Variants in CNTNAP1 observed in about 807,000 individuals in gnomAD.
CNTNAP1 encodes the protein contactin-associated protein 1.
Under a neutral mutation model 161.5 loss-of-function variants are expected in CNTNAP1, and 80 were observed. That is an observed-to-expected ratio of 0.50 (90% CI 0.41 to 0.60). The LOEUF (loss-of-function observed/expected upper bound fraction) is 0.60, where lower values mean the gene tolerates loss of function less well. CNTNAP1 is among the 20% of genes least tolerant of loss of function. The probability of loss-of-function intolerance (pLI) is 0.00; values close to 1 mark genes in which losing one functional copy is unlikely to be tolerated. For missense variants in CNTNAP1, 1,464 were observed against 1,854.8 expected (o/e 0.79, Z 3.87); for synonymous variants, 695 against 733.1 (o/e 0.95, Z 0.84).
Position 42,687,104 on chromosome 17 carries a change from A to G in CNTNAP1, c.1044+58A>G, listed in dbSNP as rs1597805585. Reference sequence around the variant, plus strand: ...TATCAAAGCGTCGTGGAAAGCAAAGAGGTGGAGCGGGAAGAGATATTGAAC... The same window carrying G: ...TATCAAAGCGTCGTGGAAAGCAAAGGGGTGGAGCGGGAAGAGATATTGAAC... On this transcript the variant is annotated intron_variant, in intron 7 of 23. Coordinates refer to ENST00000264638, the MANE Select transcript of CNTNAP1 (RefSeq NM_003632.3). The surrounding 1 kb of genome is among the most constrained non-coding windows in gnomAD (Gnocchi z 4.7). 1.9e-6 allele frequency: 3 copies of G among 1,580,702 alleles called. No individual in the cohort carries two copies. The highest frequency in any genetic ancestry group is 4.5e-5 in the East Asian group (2 of 44,242).
intron 17 of CNTNAP1, 122 bp downstream of exon 17, chr17:42,692,842 C>T: frequency 1.2e-6 from 1 of 808,600 alleles, no homozygotes; most frequent in Non-Finnish European, 1.9e-6. Context: ...CAGAGCAAGC[C>T]AGTGTCTCAC....
At position 42,697,735 on chromosome 17, in the gene CNTNAP1, C is replaced by T. The variant is rs141617249; in HGVS notation, c.3750C>T (p.Cys1250=). 4.7e-4 allele frequency: 756 copies of T among 1,614,140 alleles called. 1 individual carries two copies. The highest frequency in any genetic ancestry group is 5.8e-4 in the South Asian group (53 of 91,078). ...AGGGAGAACTGTCCGAATCTAATTG[C>T]GGAGCTATGCCACGTCTTGTTTCAG... The part of the protein sequence containing the change: ...RVQGELSESN[C]GAMPRLVSEV... The change falls in exon 22 of 24, where the codon TGC becomes TGT. Residue 1250 remains cysteine (C), a synonymous_variant. Transcript: ENST00000264638.
intron 16 of CNTNAP1, 141 bp downstream of exon 16, chr17:42,692,132 C>A: frequency 2.2e-6 from 2 of 912,584 alleles, no homozygotes; most frequent in Admixed American, 2.5e-5. Context: ...TATGTTCTAG[C>A]CCTCACTCGG....
In CNTNAP1 at chr17:42,689,533, CAT is replaced by C. The variant is rs1262146130; in HGVS notation, c.1642_1643del (p.Met548ValfsTer2). On this transcript the variant is annotated frameshift_variant, in exon 11 of 24. Transcript: ENST00000264638. LOFTEE classifies it high-confidence loss of function. ...CGITDRCSPN[M>X]CEHDGRCYQS... ...ACCCCTTCCCTAGGTGCAGCCCTAA[CAT>C]GTGTGAGCATGATGGACGCTGCTAC... 1.2e-6 allele frequency: 2 copies of C among 1,613,572 alleles called. No homozygotes were observed. The highest frequency in any genetic ancestry group is 1.7e-6 in the Non-Finnish European group (2 of 1,179,684).
chr17:42,689,559 A>G lies in CNTNAP1; in HGVS notation c.1667A>G (p.Tyr556Cys). 1 of 1,613,812 alleles carries G rather than the reference A, an allele frequency of 6.2e-7. No homozygotes were observed. The highest frequency in any genetic ancestry group is 1.1e-5 in the South Asian group (1 of 91,064). The change falls in exon 11 of 24, where the codon TAC becomes TGC. Residue 556 changes from tyrosine to cysteine, a missense_variant. Around this residue, in one of 3 missense-constraint regions of CNTNAP1, gnomAD observed 1,383 missense variants for 1,765.0 expected, o/e 0.78. Transcript: ENST00000264638. ...ATGTGTGAGCATGATGGACGCTGCTACCAGTCTTGGGATGACTTCATTTGC... is the reference window on the plus strand; with the variant it reads ...ATGTGTGAGCATGATGGACGCTGCTGCCAGTCTTGGGATGACTTCATTTGC... ...PNMCEHDGRCYQSWDDFICYC... is the reference protein window; with the variant it reads ...PNMCEHDGRCCQSWDDFICYC...
In CNTNAP1 at chr17:42,684,069, C is replaced by T. The variant is rs1245544734; in HGVS notation, c.203C>T (p.Pro68Leu). The T allele has an allele frequency of 1.2e-6, 2 of 1,614,164 alleles. No homozygotes were observed. The highest frequency in any genetic ancestry group is 2.2e-5 in the East Asian group (1 of 44,886). The stretch of plus-strand genomic sequence containing the variant: ...GGGTGGTCACCACGGATTGGGGATC[C>T]GAATCCCTGGCTCCAGATAGACTTA... ...ISGWSPRIGD[P>L]NPWLQIDLMK... The change falls in exon 3 of 24, where the codon CCG becomes CTG. Residue 68 changes from proline to leucine, a missense_variant. Pro to Leu is a moderately conservative substitution (Grantham distance 98, BLOSUM62 -3). This residue lies in a region of CNTNAP1 where 1,383 missense variants were observed against 1,765.0 expected (regional missense o/e 0.78). Transcript: ENST00000264638.
Position 42,686,898 on chromosome 17 carries a change from C to T in CNTNAP1, c.901-5C>T. On this transcript the variant is annotated splice_region_variant and splice_polypyrimidine_tract_variant and intron_variant, in intron 6 of 23. Coordinates refer to ENST00000264638, the MANE Select transcript of CNTNAP1 (RefSeq NM_003632.3). Reference sequence around the variant, plus strand: ...AAGAGGCCTCATTCCCCACGCCTCCCGCAGATGTTCATCGGAGGTCTGGTG... The same window carrying T: ...AAGAGGCCTCATTCCCCACGCCTCCTGCAGATGTTCATCGGAGGTCTGGTG... 4 of 1,596,872 alleles carry T rather than the reference C, an allele frequency of 2.5e-6. No homozygotes were observed. Among genetic ancestry groups the T allele is most frequent in the Non-Finnish European group, 2.6e-6 (3 of 1,166,692 alleles).
Position 42,688,989 on chromosome 17 carries a change from G to A in CNTNAP1, c.1570G>A (p.Gly524Ser). ...GQLVNLTLVE[G>S]RRLGFYAEVL... is the part of the protein sequence containing the mutation. ...ACTGGTCAACCTGACTCTGGTGGAG[G>A]GCCGGCGGCTTGGATTCTATGCTGA... Residue 524 changes from glycine to serine, a missense_variant, in exon 10 of 24, where the codon GGC becomes AGC. Transcript: ENST00000264638. 2 of 1,612,516 alleles carry A rather than the reference G, an allele frequency of 1.2e-6. No homozygotes were observed. Among genetic ancestry groups the A allele is most frequent in the Non-Finnish European group, 1.7e-6 (2 of 1,179,182 alleles).
intron 18 of CNTNAP1, among the ~76,000 whole-genome samples, chr17:42,693,748 CA>C (rs1296732507): frequency 1.3e-5 from 2 of 152,038 alleles, no homozygotes; most frequent in Non-Finnish European, 2.9e-5. Flanking sequence ...ATAGCTGGTG[CA>C]AAAATATCTC....
In CNTNAP1 at chr17:42,691,700, C is replaced by G; in HGVS notation, c.2345-106C>G. 1 of 1,377,104 alleles carries G rather than the reference C, an allele frequency of 7.3e-7. No individual in the cohort carries two copies. The highest frequency in any genetic ancestry group is 1.3e-5 in the South Asian group (1 of 78,644). The allele number at this position is 1,377,104 out of a possible 1,614,324, so 85.3% of individuals were successfully genotyped here. Reference sequence around the variant, plus strand: ...CTCCTTAGTCTCCCCTCCGTCACCTCAAACCCTCCCCCTTTGCCCAACCTT... The same window carrying G: ...CTCCTTAGTCTCCCCTCCGTCACCTGAAACCCTCCCCCTTTGCCCAACCTT... On this transcript the variant is annotated intron_variant, in intron 15 of 23. Transcript: ENST00000264638. This position sits in a 1 kb window ranked among gnomAD's most constrained non-coding sequence, Gnocchi z 4.3.
Position 42,693,249 on chromosome 17 carries a change from G to T in CNTNAP1, c.2753-48G>T, listed in dbSNP as rs190642465. The T allele has an allele frequency of 6.0e-4, 965 of 1,606,464 alleles. 6 individuals are homozygous for T. In the Middle Eastern group the frequency reaches 0.015, roughly 25 times the overall value. ...GCTGGGATTACAGGCGTGAGCCACC[G>T]CGCCTGGCCCTGCCTCCATTTCTTG... On this transcript the variant is annotated intron_variant, in intron 17 of 23. Coordinates refer to ENST00000264638, the MANE Select transcript of CNTNAP1 (RefSeq NM_003632.3).
rs779112242 is a variant in CNTNAP1 at position 42,690,900 on chromosome 17, A to C, written c.2017A>C (p.Ile673Leu). 2 of 1,614,178 alleles carry C rather than the reference A, an allele frequency of 1.2e-6. No homozygotes were observed. Among genetic ancestry groups the C allele is most frequent in the East Asian group, 2.2e-5 (1 of 44,890 alleles). ...TGCTTCCCAGCATTGTGAACAGTGG[A>C]TCGAGTTCTCCTGCTACAATTCCCG... ...ANASQHCEQW[I>L]EFSCYNSRLL... The change falls in exon 13 of 24, where the codon ATC (isoleucine) becomes CTC (leucine). Residue 673 changes from isoleucine (I) to leucine (L), a missense_variant. Ile to Leu is a conservative substitution (Grantham distance 5). Coordinates refer to ENST00000264638, the MANE Select transcript of CNTNAP1 (RefSeq NM_003632.3).
chr17:42,691,464 C>T lies in CNTNAP1; in HGVS notation c.2297C>T (p.Thr766Ile), dbSNP rs1409891804. 2 of 1,613,990 alleles carry T rather than the reference C, an allele frequency of 1.2e-6. No homozygotes were observed. The highest frequency in any genetic ancestry group is 1.7e-6 in the Non-Finnish European group (2 of 1,180,018). Residue 766 changes from threonine to isoleucine, a missense_variant, in exon 15 of 24, where the codon ACT becomes ATT. This residue lies in a region of CNTNAP1 where 1,383 missense variants were observed against 1,765.0 expected (regional missense o/e 0.78). Transcript: ENST00000264638. This position sits in a 1 kb window ranked among gnomAD's most constrained non-coding sequence, Gnocchi z 4.3. ...QVVIGDTNRS[T>I]SEAQFFLRPL... The stretch of plus-strand genomic sequence containing the variant: ...GTGATAGGGGATACGAACCGCTCCA[C>T]TTCTGAGGCCCAGTTCTTCCTGAGG...
At position 42,691,896 on chromosome 17, in the gene CNTNAP1, A is replaced by G. The variant is rs1333070883; in HGVS notation, c.2435A>G (p.Tyr812Cys). 1.2e-6 allele frequency: 2 copies of G among 1,613,762 alleles called. No individual in the cohort carries two copies. The highest frequency in any genetic ancestry group is 1.7e-6 in the Non-Finnish European group (2 of 1,179,974). Residue 812 changes from tyrosine to cysteine, a missense_variant, in exon 16 of 24, where the codon TAC becomes TGC. Physicochemically the swap from Tyr to Cys is radical, Grantham distance 194. Coordinates refer to ENST00000264638, the MANE Select transcript of CNTNAP1 (RefSeq NM_003632.3). The surrounding 1 kb of genome is among the most constrained non-coding windows in gnomAD (Gnocchi z 4.3). The part of the protein sequence containing the change: ...RANHSLDVSF[Y>C]FRTSAPSGVF... ...AACCACAGCCTGGATGTCTCCTTCT[A>G]CTTCAGGACCTCTGCTCCCTCGGGG...
chr17:42,696,042 T>C lies in CNTNAP1; in HGVS notation c.3364T>C (p.Tyr1122His), dbSNP rs2053148230. Residue 1122 changes from tyrosine to histidine, a missense_variant, in exon 20 of 24, where the codon TAT (tyrosine) becomes CAT (histidine). Tyr to His is a moderately conservative substitution (Grantham distance 83, BLOSUM62 2). Around this residue, in one of 3 missense-constraint regions of CNTNAP1, gnomAD observed 1,383 missense variants for 1,765.0 expected, o/e 0.78. Transcript: ENST00000264638. Reference protein sequence around the residue: ...IKDDGTLQLRYQLGTSPYVYQ... With the variant: ...IKDDGTLQLRHQLGTSPYVYQ... ...CCCCACAGGGACCCTTCAGCTGCGATATCAGCTGGGCACCAGTCCCTACGT... is the reference window on the plus strand; with the variant it reads ...CCCCACAGGGACCCTTCAGCTGCGACATCAGCTGGGCACCAGTCCCTACGT... 1 of 1,614,132 alleles carries C rather than the reference T, an allele frequency of 6.2e-7. No homozygotes were observed. Among genetic ancestry groups the C allele is most frequent in the Non-Finnish European group, 8.5e-7 (1 of 1,180,004 alleles).
chr17:42,690,450 G>C (rs952042013), intron 12 of CNTNAP1, among the ~76,000 whole-genome samples: 2 of 151,618 alleles, frequency 1.3e-5, no homozygotes, highest in African/African-American at 4.9e-5. Context: ...CTTGAACCTG[G>C]GAGGTGGAGG....
At chr17:42,692,025 A>G (rs1353747448) in intron 16 of CNTNAP1, 34 bp downstream of exon 16, 1 of 1,602,564 alleles carries the variant, frequency 6.2e-7, no homozygotes, top group East Asian at 2.2e-5. Flanking sequence ...GCCTCGGGGT[A>G]GATGAAAGTG....
chr17:42,697,468 G>A lies in CNTNAP1; in HGVS notation c.3569-86G>A. Reference sequence around the variant, plus strand: ...CCCTGGGAATGGCTGAGGGCAGTGGGAAGGATGAGTGGGAAACCTGTGGAC... The same window carrying A: ...CCCTGGGAATGGCTGAGGGCAGTGGAAAGGATGAGTGGGAAACCTGTGGAC... On this transcript the variant is annotated intron_variant, in intron 21 of 23. Coordinates refer to ENST00000264638, the MANE Select transcript of CNTNAP1 (RefSeq NM_003632.3). The A allele has an allele frequency of 6.8e-6, 11 of 1,607,904 alleles. No individual in the cohort carries two copies. The South Asian group carries it at 1.2e-4, about 18-fold the overall frequency.
At chr17:42,695,965 C>T (rs1010899932) in intron 19 of CNTNAP1, 60 bp from the exon 20 acceptor site, 1 of 1,603,556 alleles carries the variant, frequency 6.2e-7, no homozygotes, top group Admixed American at 1.7e-5. Context: ...GACCCACGTG[C>T]TGTTAGAAGA....
Sources: gnomAD v4.1 joint callset for allele counts (sites outside exome capture counted in the v4.1 genomes callset) on GRCh38, gnomAD v4.1.1 for gene constraint, gnomAD v4.1.1 regional missense constraint, Gnocchi (gnomAD v3.1) non-coding constraint, MANE v1.5 for transcripts, NCBI Gene and HGNC (gene_info 2026-07-23, HGNC 2026-07-21) for gene names.